STPG4: variants seen among roughly 807,000 people sequenced by gnomAD.
The protein encoded by STPG4 is sperm-tail PG-rich repeat containing 4, also known as protein STPG4.
A neutral mutation model predicts 31.5 loss-of-function variants in STPG4; 41 were observed. That is an observed-to-expected ratio of 1.30 (90% confidence interval 1.01 to 1.69). STPG4 has a LOEUF of 1.69. STPG4 is among the 40% of genes most tolerant of loss of function. The pLI, the probability that STPG4 is intolerant of heterozygous loss-of-function variation, is 0.00. For missense variants in STPG4, 375 were observed against 293.4 expected, an observed-to-expected ratio of 1.28 and a Z score of -2.03; for synonymous variants, 141 against 103.0, an observed-to-expected ratio of 1.37 and a Z score of -2.24.
chr2:47,096,927 C>G (rs1685681134), intron 5 of STPG4, among the ~76,000 whole-genome samples: 1 of 152,068 alleles, frequency 6.6e-6, no homozygotes, highest in Non-Finnish European at 1.5e-5. Flanking sequence ...AGTATACCAA[C>G]TCGGAGGGCT....
chr2:47,149,761 G>A (rs902169674), intron 3 of STPG4, among the ~76,000 whole-genome samples: 4 of 152,144 alleles, frequency 2.6e-5, no homozygotes, highest in Non-Finnish European at 5.9e-5. Flanking sequence ...ATTTATAAAT[G>A]GGAAATATTA....
At chr2:47,100,182 G>T (rs1685762345) in intron 5 of STPG4, among the ~76,000 whole-genome samples, 1 of 152,140 alleles carries the variant, frequency 6.6e-6, no homozygotes, top group African/African-American at 2.4e-5. Context: ...ACTGGGTGAA[G>T]CCAGCTGGGC....
chr2:47,127,522 G>C (rs539892008), intron 5 of STPG4, among the ~76,000 whole-genome samples: 1 of 152,030 alleles, frequency 6.6e-6, no homozygotes, highest in African/African-American at 2.4e-5. Flanking sequence ...GCCTGCCTCA[G>C]CCTCCCAAAG....
intron 2 of STPG4, among the ~76,000 whole-genome samples, chr2:47,152,043 G>C (rs368049877): frequency 6.6e-6 from 1 of 152,048 alleles, no homozygotes. Flanking sequence ...GATTACAGGC[G>C]TGAGCCACCA....
rs753782251 is a variant in STPG4 at position 47,151,320 on chromosome 2, C to T, written c.337G>A (p.Ala113Thr). ...DFLDLLKKQV[A>T]TYSFKDKPRP... ...GGTTTGTCTTTGAATGAGTAAGTAG[C>T]CACTTGCTTCTTTAACAGGTCCAGG... Residue 113 changes from alanine to threonine, a missense_variant, in exon 3 of 7, where the codon GCT becomes ACT. Coordinates refer to ENST00000445927, the MANE Select transcript of STPG4 (RefSeq NM_001163561.2). The T allele has an allele frequency of 1.2e-6, 2 of 1,614,152 alleles. No individual in the cohort carries two copies. Among genetic ancestry groups the T allele is most frequent in the Admixed American group, 1.7e-5 (1 of 60,026 alleles).
chr2:47,115,138 A>T (rs2103760049), intron 5 of STPG4, among the ~76,000 whole-genome samples: 1 of 151,810 alleles, frequency 6.6e-6, no homozygotes, highest in African/African-American at 2.4e-5. Context: ...TCACTTGCAC[A>T]TTTTGCTACA....
At chr2:47,098,261 G>A (rs1375401244) in intron 5 of STPG4, among the ~76,000 whole-genome samples, 2 of 152,204 alleles carry the variant, frequency 1.3e-5, no homozygotes, top group Admixed American at 6.5e-5. Flanking sequence ...ACAGACCGGA[G>A]AGCCAGAGTG....
intron 6 of STPG4, among the ~76,000 whole-genome samples, chr2:47,089,945 G>C (rs1413865853): frequency 1.3e-5 from 2 of 152,194 alleles, no homozygotes; most frequent in African/African-American, 4.8e-5. Flanking sequence ...GCAGGAGGCA[G>C]CCACTGCAGG....
In STPG4 at chr2:47,089,237, G is replaced by A. The variant is rs1012511471; in HGVS notation, c.624+1033C>T. ...AAACATGTTTCTGGATCATGGTGAT[G>A]CCACTAAGGTGTGTGGATCCCCCAG... On this transcript the variant is annotated intron_variant, in intron 6 of 6. Transcript: ENST00000445927. 4.6e-5 allele frequency among the ~76,000 whole-genome samples: 7 copies of A among 152,362 alleles called. No individual in the cohort carries two copies. In the South Asian group the frequency reaches 6.2e-4, roughly 14 times the overall value.
chr2:47,151,509 G>C lies in STPG4; in HGVS notation c.148C>G (p.Pro50Ala). ...GWWRIALTDT[P>A]IPGTYHLKTF... The stretch of plus-strand genomic sequence containing the variant: ...TTCAAGTGGTAAGTGCCAGGTATAG[G>C]AGTATCCTGTGGAAAATTGACATCA... Residue 50 changes from proline (P) to alanine (A), a missense_variant, in exon 3 of 7, where the codon CCT becomes GCT. Pro to Ala is a conservative substitution (Grantham distance 27, BLOSUM62 -1). Coordinates refer to ENST00000445927, the MANE Select transcript of STPG4 (RefSeq NM_001163561.2). 6.2e-7 allele frequency: 1 copy of C among 1,612,876 alleles called. No individual in the cohort carries two copies. The highest frequency in any genetic ancestry group is 8.5e-7 in the Non-Finnish European group (1 of 1,179,432).
chr2:47,121,847 C>CGTGTGTGTGTGTGTGTGTGTGT (rs10538224), intron 5 of STPG4, among the ~76,000 whole-genome samples: 1 of 144,220 alleles, frequency 6.9e-6, no homozygotes, highest in African/African-American at 2.6e-5. Context: ...GCCCTCTCCT[C>CGTGTGTGTGTGTGTGTGTGTGT]GTGTGTGTGT....
intron 3 of STPG4, among the ~76,000 whole-genome samples, chr2:47,132,999 C>T (rs1202659895): frequency 1.3e-5 from 2 of 152,030 alleles, no homozygotes; most frequent in Non-Finnish European, 2.9e-5. Context: ...CCATTCTTTG[C>T]TACTTAACGT....
intron 5 of STPG4, among the ~76,000 whole-genome samples, chr2:47,104,289 G>T (rs938588872): frequency 6.6e-6 from 1 of 151,978 alleles, no homozygotes; most frequent in African/African-American, 2.4e-5. Context: ...AAGGATTACG[G>T]AATACTGTTA....
intron 3 of STPG4, among the ~76,000 whole-genome samples, chr2:47,135,684 G>A (rs748763210): frequency 2.2e-4 from 33 of 152,146 alleles, no homozygotes; most frequent in Non-Finnish European, 2.8e-4. Context: ...ACCACGCCCA[G>A]CCTCTTCTTT....
rs868305879 is a variant in STPG4, at chr2:47,095,832, G to A, written c.520-5458C>T. Among the ~76,000 whole-genome samples, 3 of 152,270 alleles carry A rather than the reference G, an allele frequency of 2.0e-5. No homozygotes were observed. In the South Asian group the frequency reaches 6.2e-4, roughly 31 times the overall value. ...ACTAATCCTGCGCCAACAGGATGGA[G>A]GTGGCAAAGGTGCATGCAAATTCCA... On this transcript the variant is annotated intron_variant, in intron 5 of 6. Coordinates refer to ENST00000445927, the MANE Select transcript of STPG4 (RefSeq NM_001163561.2).
intron 5 of STPG4, among the ~76,000 whole-genome samples, chr2:47,124,535 C>G (rs957354555): frequency 2.0e-5 from 3 of 152,126 alleles, no homozygotes; most frequent in Non-Finnish European, 4.4e-5. Flanking sequence ...GTTTGCCTTT[C>G]CGTGCATGGC....
At chr2:47,124,660 T>C (rs1686331734) in intron 5 of STPG4, among the ~76,000 whole-genome samples, 1 of 152,246 alleles carries the variant, frequency 6.6e-6, no homozygotes, top group African/African-American at 2.4e-5. Context: ...CACATTTTCT[T>C]TATCCATTCA....
chr2:47,090,072 G>A (rs921086446), intron 6 of STPG4, among the ~76,000 whole-genome samples, 198 bp downstream of exon 6: 1 of 152,154 alleles, frequency 6.6e-6, no homozygotes, highest in Non-Finnish European at 1.5e-5. Flanking sequence ...ACCTGAAGTT[G>A]GTTGAGAACA....
intron 5 of STPG4, among the ~76,000 whole-genome samples, chr2:47,113,525 CAT>C (rs1250137399): frequency 1.3e-5 from 2 of 152,056 alleles, no homozygotes; most frequent in South Asian, 2.1e-4. Context: ...TGTTAAAAAA[CAT>C]ATTAAAACAA....
Sources: allele counts gnomAD v4.1 joint callset (sites outside exome capture counted in the v4.1 genomes callset), GRCh38; gene constraint gnomAD v4.1.1; transcripts MANE v1.5; gene names NCBI Gene and HGNC (gene_info 2026-07-23, HGNC 2026-07-21).